Variants in MYO16 observed in about 807,000 individuals in gnomAD.
MYO16 encodes the protein unconventional myosin-XVI.
Under a neutral mutation model 205.3 loss-of-function variants are expected in MYO16, and 94 were observed. The observed-to-expected ratio is 0.46, with a 90% CI of 0.39 to 0.54. The LOEUF (loss-of-function observed/expected upper bound fraction) is 0.54. Ranked by LOEUF, MYO16 falls within the 20% of genes least tolerant of loss-of-function variation. The pLI is 0.00. For synonymous variants in MYO16, 988 were observed against 954.0 expected (o/e 1.04, Z -0.66); for missense variants, 2,315 against 2,387.5 (o/e 0.97, Z 0.63).
the MYO16 span, among the ~76,000 whole-genome samples, chr13:108,572,091 T>TA: frequency 6.6e-6 from 1 of 151,832 alleles, no homozygotes; most frequent in East Asian, 1.9e-4. Context: ...AGCTGATTAT[T>TA]AAAAAATATA....
chr13:108,715,824 A>T (rs1402201428), intron 3 of MYO16, among the ~76,000 whole-genome samples: 3 of 152,214 alleles, frequency 2.0e-5, no homozygotes, highest in Non-Finnish European at 4.4e-5. Flanking sequence ...GGTCCGGCTT[A>T]ATAACCCATT....
At chr13:108,881,907 C>T (rs957074075) in intron 12 of MYO16, among the ~76,000 whole-genome samples, 6 of 152,114 alleles carry the variant, frequency 3.9e-5, no homozygotes, top group Admixed American at 3.3e-4. Context: ...CCCAACATAG[C>T]GAGTCAGGCC....
chr13:108,852,021 C>T (rs1262998617), intron 10 of MYO16, among the ~76,000 whole-genome samples: 1 of 152,170 alleles, frequency 6.6e-6, no homozygotes, highest in African/African-American at 2.4e-5. Flanking sequence ...CTCACCATGT[C>T]CTTCCCTCTC....
At chr13:108,826,799 G>T (rs1471318808) in intron 9 of MYO16, among the ~76,000 whole-genome samples, 1 of 152,004 alleles carries the variant, frequency 6.6e-6, no homozygotes, top group Non-Finnish European at 1.5e-5. Context: ...TATTTATCAG[G>T]AAAAGCCAAA....
At chr13:108,516,341 C>A in the MYO16 span, among the ~76,000 whole-genome samples, 2 of 151,782 alleles carry the variant, frequency 1.3e-5, no homozygotes, top group South Asian at 4.2e-4. Context: ...GGCTCGCGCA[C>A]GGTGCGCGCA....
the MYO16 span, among the ~76,000 whole-genome samples, chr13:108,572,789 G>A: frequency 4.6e-5 from 7 of 152,200 alleles, no homozygotes; most frequent in Admixed American, 6.5e-5. Context: ...TGAAAATACC[G>A]TTAAATTAAA....
intron 4 of MYO16, among the ~76,000 whole-genome samples, chr13:108,737,800 G>A (rs912080422): frequency 6.6e-6 from 1 of 152,054 alleles, no homozygotes; most frequent in African/African-American, 2.4e-5. Context: ...ATTAATTATT[G>A]CCTCAATTTC....
intron 20 of MYO16, among the ~76,000 whole-genome samples, chr13:108,986,638 A>C (rs1884647256): frequency 6.6e-6 from 1 of 151,950 alleles, no homozygotes; most frequent in Admixed American, 6.6e-5. Context: ...AAAAAAAAAA[A>C]AAAAAAAAGA....
intron 10 of MYO16, among the ~76,000 whole-genome samples, chr13:108,853,485 C>T (rs1325362696): frequency 6.6e-6 from 1 of 151,628 alleles, no homozygotes; most frequent in Non-Finnish European, 1.5e-5. Context: ...TTTGGAAATA[C>T]GTTTCCTTTA....
At chr13:108,655,817 C>T (rs1477650189) in intron 1 of MYO16, among the ~76,000 whole-genome samples, 1 of 152,166 alleles carries the variant, frequency 6.6e-6, no homozygotes, top group Admixed American at 6.5e-5. Flanking sequence ...GACTGCCCCA[C>T]TGTATTTTAG....
intron 27 of MYO16, among the ~76,000 whole-genome samples, chr13:109,087,986 G>A (rs1221606390): frequency 6.6e-6 from 1 of 152,188 alleles, no homozygotes; most frequent in Non-Finnish European, 1.5e-5. Flanking sequence ...GGCTCAGCCA[G>A]TGAATTATAA....
chr13:108,679,227 C>G (rs1263175473), intron 2 of MYO16, among the ~76,000 whole-genome samples: 1 of 152,206 alleles, frequency 6.6e-6, no homozygotes, highest in African/African-American at 2.4e-5. Flanking sequence ...CAGCTCTCCA[C>G]TCAAATGTTG....
At chr13:109,053,819 T>C (rs11616405) in intron 25 of MYO16, among the ~76,000 whole-genome samples, 8,585 of 152,174 alleles carry the variant, frequency 0.056, 299 homozygotes, top group Non-Finnish European at 0.07. Flanking sequence ...ACTCTTTAAC[T>C]GAGCATGACA....
chr13:108,717,810 A>G (rs1318357247), intron 3 of MYO16, among the ~76,000 whole-genome samples: 1 of 152,120 alleles, frequency 6.6e-6, no homozygotes, highest in African/African-American at 2.4e-5. Flanking sequence ...AGAAATTTTC[A>G]ACAGTGACTC....
chr13:109,120,144 C>T (rs972030183), intron 28 of MYO16, among the ~76,000 whole-genome samples: 1 of 152,116 alleles, frequency 6.6e-6, no homozygotes, highest in Non-Finnish European at 1.5e-5. Flanking sequence ...TAGTGTGTAA[C>T]CATTTGAAAA....
At chr13:108,913,632 G>C (rs1298454511) in intron 16 of MYO16, among the ~76,000 whole-genome samples, 5 of 152,116 alleles carry the variant, frequency 3.3e-5, no homozygotes, top group Non-Finnish European at 7.4e-5. Flanking sequence ...CTTAAAATTG[G>C]TACCCATAGG....
chr13:108,538,439 C>T, the MYO16 span, among the ~76,000 whole-genome samples: 3 of 151,988 alleles, frequency 2.0e-5, no homozygotes, highest in Non-Finnish European at 2.9e-5. Flanking sequence ...AAGAGAAATT[C>T]CACTAGTGGT....
At chr13:108,886,349 A>T (rs920547949) in intron 13 of MYO16, 13 of 452,524 alleles carry the variant, frequency 2.9e-5, no homozygotes, top group Non-Finnish European at 5.8e-5. Flanking sequence ...TTGAAAAAAT[A>T]CCTCTTCATT....
At chr13:109,060,331 G>A (rs562624854) in intron 27 of MYO16, among the ~76,000 whole-genome samples, 1 of 152,242 alleles carries the variant, frequency 6.6e-6, no homozygotes, top group African/African-American at 2.4e-5. Flanking sequence ...CATGTCCTTT[G>A]CAGGGACATG....
Sources: gnomAD v4.1 joint callset for allele counts (sites outside exome capture counted in the v4.1 genomes callset) on GRCh38, gnomAD v4.1.1 for gene constraint, MANE v1.5 for transcripts, NCBI Gene and HGNC (gene_info 2026-07-23, HGNC 2026-07-21) for gene names.